CNTN3: variants seen among roughly 807,000 people sequenced by gnomAD.
CNTN3 encodes contactin-3.
In CNTN3, 60 loss-of-function variants were observed where a neutral mutation model predicts 119.1. That is an observed-to-expected ratio of 0.50 (90% confidence interval 0.41 to 0.62). CNTN3 has a LOEUF of 0.62. Among genes scored for constraint, CNTN3 ranks in the 20% least tolerant of loss-of-function variants. CNTN3 has a pLI of 0.00. For synonymous variants in CNTN3, 450 were observed against 438.7 expected (o/e 1.03, Z -0.32); for missense variants, 1,101 against 1,242.4 (o/e 0.89, Z 1.71).
chr3:74,409,443 T>C (rs1250840562), intron 5 of CNTN3, among the ~76,000 whole-genome samples: 1 of 143,392 alleles, frequency 7.0e-6, no homozygotes, highest in Non-Finnish European at 1.5e-5. Flanking sequence ...CTCTTCCAGT[T>C]TTTTGTGCTG....
intron 12 of CNTN3, 68 bp downstream of exon 12, chr3:74,336,463 A>G: frequency 6.6e-7 from 1 of 1,513,882 alleles, no homozygotes; most frequent in Non-Finnish European, 9.1e-7. Context: ...ACACATAGTT[A>G]CTTTCCTCAT....
intron 4 of CNTN3, among the ~76,000 whole-genome samples, chr3:74,438,028 T>C (rs983501209): frequency 9.2e-5 from 14 of 152,224 alleles, no homozygotes; most frequent in African/African-American, 2.7e-4. Context: ...TAACCATTAG[T>C]TATACAAAGA....
chr3:74,268,560 C>T (rs556957261), intron 20 of CNTN3, among the ~76,000 whole-genome samples: 14 of 152,178 alleles, frequency 9.2e-5, no homozygotes, highest in African/African-American at 2.9e-4. Flanking sequence ...ATTTCTTTTG[C>T]TTTTTGTCTC....
chr3:74,594,026 T>G (rs57286777), intron 1 of CNTN3, among the ~76,000 whole-genome samples: 35,506 of 151,590 alleles, frequency 0.23, 6,791 homozygotes, highest in African/African-American at 0.52. Flanking sequence ...GAAGAGAAGA[T>G]ATGAAACTCC....
intron 4 of CNTN3, among the ~76,000 whole-genome samples, chr3:74,428,769 C>A (rs1701737174): frequency 6.6e-6 from 1 of 152,192 alleles, no homozygotes; most frequent in African/African-American, 2.4e-5. Flanking sequence ...CGCTCACTCA[C>A]CAGTTCACCC....
intron 11 of CNTN3, among the ~76,000 whole-genome samples, chr3:74,352,090 T>C (rs978571451): frequency 1.3e-5 from 2 of 152,228 alleles, no homozygotes; most frequent in African/African-American, 4.8e-5. Flanking sequence ...TGGTTTTCTA[T>C]CTGTGGAAGA....
rs560264247 is a variant in CNTN3, at chr3:74,603,404, C to T, written c.-81+10987G>A. 2.6e-5 allele frequency among the ~76,000 whole-genome samples: 4 copies of T among 152,200 alleles called. No individual in the cohort carries two copies. In the East Asian group the frequency reaches 7.8e-4, roughly 30 times the overall value. ...TCCACTACAAAACTGTCTCTTCAAC[C>T]TAGATCCTAGCAGAATAAGCCACAT... On this transcript the variant is annotated intron_variant, in intron 1 of 22. Transcript: ENST00000263665.
At chr3:74,482,857 A>C (rs1441763324) in intron 4 of CNTN3, among the ~76,000 whole-genome samples, 1 of 152,150 alleles carries the variant, frequency 6.6e-6, no homozygotes, top group Non-Finnish European at 1.5e-5. Context: ...CAGTTAGCGT[A>C]TAACTTTTTC....
intron 4 of CNTN3, among the ~76,000 whole-genome samples, chr3:74,441,242 T>C (rs1701961296): frequency 6.6e-6 from 1 of 152,106 alleles, no homozygotes; most frequent in Non-Finnish European, 1.5e-5. Flanking sequence ...GTCATATATT[T>C]TATCATTTTA....
intron 13 of CNTN3, among the ~76,000 whole-genome samples, chr3:74,330,709 T>C (rs1314380256): frequency 3.9e-5 from 6 of 152,120 alleles, no homozygotes; most frequent in Non-Finnish European, 7.4e-5. Flanking sequence ...GCACCATGCA[T>C]GTTATTGCCC....
At chr3:74,589,962 T>TG (rs1207824847) in intron 1 of CNTN3, among the ~76,000 whole-genome samples, 4,457 of 22,038 alleles carry the variant, frequency 0.2, 115 homozygotes, top group African/African-American at 0.29. Flanking sequence ...TGTTGTGGGG[T>TG]GGGGGGGAGG....
At chr3:74,423,815 G>A (rs1048143188) in intron 5 of CNTN3, among the ~76,000 whole-genome samples, 4 of 152,162 alleles carry the variant, frequency 2.6e-5, no homozygotes, top group African/African-American at 4.8e-5. Flanking sequence ...CTCCAAGTCT[G>A]CAGTCTCCAG....
chr3:74,528,773 C>T (rs1395375870), intron 1 of CNTN3, among the ~76,000 whole-genome samples: 1 of 151,794 alleles, frequency 6.6e-6, no homozygotes, highest in Non-Finnish European at 1.5e-5. Context: ...ATATAACCGG[C>T]AATTGAAAGT....
chr3:74,601,523 C>G (rs1453812909), intron 1 of CNTN3, among the ~76,000 whole-genome samples: 1 of 152,072 alleles, frequency 6.6e-6, no homozygotes, highest in Non-Finnish European at 1.5e-5. Context: ...TATTCATAAG[C>G]AATAAAGTGA....
chr3:74,607,580 A>T (rs1241251198), intron 1 of CNTN3, among the ~76,000 whole-genome samples: 1 of 152,180 alleles, frequency 6.6e-6, no homozygotes, highest in Non-Finnish European at 1.5e-5. Flanking sequence ...TAGCATGGGG[A>T]AGTCAACACA....
chr3:74,502,537 G>C (rs1703183779), intron 2 of CNTN3, among the ~76,000 whole-genome samples: 1 of 152,132 alleles, frequency 6.6e-6, no homozygotes, highest in Admixed American at 6.6e-5. Context: ...TATGTGCCAG[G>C]CACACTAAGC....
At position 74,371,398 on chromosome 3, in the gene CNTN3, T is replaced by C; in HGVS notation, c.456A>G (p.Glu152=). ...CATTGAAGATCCAAGCATATGACAG[T>C]TCTAATAAAATTGTTGAAGAGAGAA... is the stretch of plus-strand genomic sequence containing the variant. ...LLCGPPPHSG[E]LSYAWIFNEY... Residue 152 remains glutamate (E), a splice_region_variant and synonymous_variant, in exon 6 of 23, where the codon GAA becomes GAG. Coordinates refer to ENST00000263665, the MANE Select transcript of CNTN3 (RefSeq NM_020872.3). 6.2e-7 allele frequency: 1 copy of C among 1,610,782 alleles called. No individual in the cohort carries two copies. The highest frequency in any genetic ancestry group is 1.1e-5 in the South Asian group (1 of 91,016).
intron 4 of CNTN3, among the ~76,000 whole-genome samples, chr3:74,431,726 C>G (rs1392385004): frequency 6.6e-6 from 1 of 152,136 alleles, no homozygotes; most frequent in Admixed American, 6.5e-5. Flanking sequence ...AAGCCATTTT[C>G]CCTCTAAAAG....
In CNTN3 at chr3:74,371,362, C is replaced by G; in HGVS notation, c.492G>C (p.Ser164=). Residue 164 remains serine, a synonymous_variant, in exon 6 of 23, where the codon TCG becomes TCC. Coordinates refer to ENST00000263665, the MANE Select transcript of CNTN3 (RefSeq NM_020872.3). ...SYAWIFNEYP[S]FVEEDSRRFV... ...ATCTCCGACTATCTTCTTCAACAAA[C>G]GATGGGTATTCATTGAAGATCCAAG... 1.2e-6 allele frequency: 2 copies of G among 1,613,262 alleles called. No individual in the cohort carries two copies. Among genetic ancestry groups the G allele is most frequent in the Non-Finnish European group, 1.7e-6 (2 of 1,179,498 alleles).
Sources: gnomAD v4.1 joint callset for allele counts (sites outside exome capture counted in the v4.1 genomes callset) on GRCh38, gnomAD v4.1.1 for gene constraint, MANE v1.5 for transcripts, NCBI Gene and HGNC (gene_info 2026-07-23, HGNC 2026-07-21) for gene names.